The following FAM168B variants were observed in gnomAD, a reference collection of about 807,000 sequenced individuals.
The protein encoded by FAM168B is myelin-associated neurite-outgrowth inhibitor.
A neutral mutation model predicts 21.8 loss-of-function variants in FAM168B; 19 were observed. The ratio of observed to expected loss-of-function variants is 0.87; its 90% CI spans 0.61 to 1.28. FAM168B has a LOEUF of 1.28. Among genes scored for constraint, FAM168B ranks in the 50% most tolerant of loss-of-function variants. The pLI is 0.00. For missense variants in FAM168B, 233 were observed against 263.1 expected (o/e 0.89, Z 0.79); for synonymous variants, 126 against 104.8 (o/e 1.20, Z -1.24).
intron 3 of FAM168B, among the ~76,000 whole-genome samples, chr2:131,065,410 T>C (rs1692501224): frequency 6.6e-6 from 1 of 152,184 alleles, no homozygotes; most frequent in Non-Finnish European, 1.5e-5. Context: ...CCAAAGGCTA[T>C]TCTCTCCCCC....
chr2:131,092,531 G>C (rs2105620238), intron 1 of FAM168B, among the ~76,000 whole-genome samples: 1 of 152,278 alleles, frequency 6.6e-6, no homozygotes, highest in East Asian at 1.9e-4. Context: ...TATTTATAAA[G>C]CTTCCTTGCA....
intron 1 of FAM168B, among the ~76,000 whole-genome samples, chr2:131,086,116 A>G (rs141414813): frequency 2.6e-5 from 4 of 152,280 alleles, no homozygotes; most frequent in Non-Finnish European, 5.9e-5. Flanking sequence ...GCCAATCCCT[A>G]GTCCCCTGTA....
At chr2:131,084,272 C>G (rs1176807697) in intron 1 of FAM168B, among the ~76,000 whole-genome samples, 2 of 149,296 alleles carry the variant, frequency 1.3e-5, no homozygotes, top group Admixed American at 1.4e-4. Flanking sequence ...TCACTGCAAC[C>G]TTGACCTCCT....
At position 131,051,447 on chromosome 2, in the gene FAM168B, C is replaced by T. The variant is rs1364966166; in HGVS notation, c.*1018G>A. On this transcript the variant is annotated 3_prime_UTR_variant, in exon 7 of 7. Transcript: ENST00000389915. Reference sequence around the variant, plus strand: ...TCTTTGTTGGGGAAAAACAGCAATGCCTACCTGTTTTCAGCTGATTCAAAC... The same window carrying T: ...TCTTTGTTGGGGAAAAACAGCAATGTCTACCTGTTTTCAGCTGATTCAAAC... 1.0e-6 allele frequency: 1 copy of T among 984,344 alleles called. No homozygotes were observed. Among genetic ancestry groups the T allele is most frequent in the Non-Finnish European group, 1.2e-6 (1 of 829,854 alleles). 61.0% of individuals were successfully genotyped at this position (984,344 alleles called of 1,614,324 possible). A position where few individuals can be genotyped will look rare whatever the true frequency, so the allele number is the denominator to read the frequency against.
At chr2:131,080,504 G>A (rs1259248184) in intron 2 of FAM168B, among the ~76,000 whole-genome samples, 1 of 151,336 alleles carries the variant, frequency 6.6e-6, no homozygotes, top group Non-Finnish European at 1.5e-5. Flanking sequence ...TGTAATCCCA[G>A]TTACTCGGGA....
rs574838708 is a variant in FAM168B, at chr2:131,048,717, A to G, written c.*3748T>C. ...AGCCAGAGGGAACACTCACAAATGC[A>G]GAGGTACTAGAGGGGAGAAATACGT... On this transcript the variant is annotated 3_prime_UTR_variant, in exon 7 of 7. Coordinates refer to ENST00000389915, the MANE Select transcript of FAM168B (RefSeq NM_001009993.4). 8.1e-6 allele frequency: 8 copies of G among 987,696 alleles called. No individual in the cohort carries two copies. The East Asian group carries it at 7.9e-4, about 97-fold the overall frequency. 61.2% of individuals were successfully genotyped at this position (987,696 alleles called of 1,614,324 possible). A position where few individuals can be genotyped will look rare whatever the true frequency, so the allele number is the denominator to read the frequency against.
At chr2:131,063,528 C>T (rs535784135) in intron 3 of FAM168B, among the ~76,000 whole-genome samples, 8 of 152,256 alleles carry the variant, frequency 5.3e-5, no homozygotes, top group African/African-American at 1.9e-4. Flanking sequence ...CCTGTAATCC[C>T]AACACTTTAG....
At chr2:131,062,709 A>G (rs955800104) in intron 3 of FAM168B, among the ~76,000 whole-genome samples, 1 of 152,148 alleles carries the variant, frequency 6.6e-6, no homozygotes, top group Non-Finnish European at 1.5e-5. Context: ...CGGCCTCCCA[A>G]AGTGCTGGGA....
Position 131,049,854 on chromosome 2 carries a change from C to G in FAM168B, c.*2611G>C. On this transcript the variant is annotated 3_prime_UTR_variant, in exon 7 of 7. Coordinates refer to ENST00000389915, the MANE Select transcript of FAM168B (RefSeq NM_001009993.4). ...TTGTAACAGAATTTTGACCCAAGTTCTATTTCTTAATTGACTTTAATTTTA... is the reference window on the plus strand; with the variant it reads ...TTGTAACAGAATTTTGACCCAAGTTGTATTTCTTAATTGACTTTAATTTTA... 1 of 985,782 alleles carries G rather than the reference C, an allele frequency of 1.0e-6. No individual in the cohort carries two copies. The highest frequency in any genetic ancestry group is 1.2e-6 in the Non-Finnish European group (1 of 829,928). The allele number at this position is 985,782 out of a possible 1,614,324, so 61.1% of individuals were successfully genotyped here.
At chr2:131,091,035 T>C (rs2105611657) in intron 1 of FAM168B, among the ~76,000 whole-genome samples, 1 of 152,246 alleles carries the variant, frequency 6.6e-6, no homozygotes, top group South Asian at 2.1e-4. Context: ...TGGACAAAAA[T>C]ATATTTTTAA....
At chr2:131,083,328 T>G (rs1248375257) in intron 1 of FAM168B, among the ~76,000 whole-genome samples, 1 of 152,168 alleles carries the variant, frequency 6.6e-6, no homozygotes, top group Non-Finnish European at 1.5e-5. Context: ...CACTCCAGCC[T>G]GGCGACAGAG....
rs984505202 is a variant in FAM168B at position 131,086,893 on chromosome 2, G to A, written c.-11-4236C>T. On this transcript the variant is annotated intron_variant, in intron 1 of 6. Transcript: ENST00000389915. ...ATCCTGGCTAACACGGTGAAACCCC[G>A]TCTCTACTAAAAATACAAAAAATTA... Among the ~76,000 whole-genome samples, 4 of 111,852 alleles carry A rather than the reference G, an allele frequency of 3.6e-5. 1 individual carries two copies. Among genetic ancestry groups the A allele is most frequent in the African/African-American group, 1.1e-4 (2 of 18,558 alleles). 73.4% of individuals were successfully genotyped at this position (111,852 alleles called of 152,430 possible). A position where few individuals can be genotyped will look rare whatever the true frequency, so the allele number is the denominator to read the frequency against.
chr2:131,067,985 G>A lies in FAM168B; in HGVS notation c.154+3870C>T, dbSNP rs1228246712. The stretch of plus-strand genomic sequence containing the variant: ...AATCCCTTGAACTCAGCAGAAAAAG[G>A]CTGTAACTGTACCACTGGACTTTAC... On this transcript the variant is annotated intron_variant, in intron 3 of 6. Transcript: ENST00000389915. Among the ~76,000 whole-genome samples the A allele has an allele frequency of 3.9e-5, 6 of 152,028 alleles. No individual in the cohort carries two copies. In the South Asian group the frequency reaches 1.2e-3, roughly 32 times the overall value.
intron 1 of FAM168B, among the ~76,000 whole-genome samples, chr2:131,085,607 GA>G (rs1693653200): frequency 6.6e-6 from 1 of 152,212 alleles, no homozygotes; most frequent in Non-Finnish European, 1.5e-5. Context: ...GTAGTAAGAA[GA>G]AAATATTAGG....
At position 131,048,406 on chromosome 2, in the gene FAM168B, C is replaced by G. The variant is rs1691425712; in HGVS notation, c.*4059G>C. Reference sequence around the variant, plus strand: ...GGAGCACACCACCCTTCTGCAGGCCCGGGGGGGGGTCCCTACACAGACGCC... The same window carrying G: ...GGAGCACACCACCCTTCTGCAGGCCGGGGGGGGGGTCCCTACACAGACGCC... On this transcript the variant is annotated 3_prime_UTR_variant, in exon 7 of 7. Coordinates refer to ENST00000389915, the MANE Select transcript of FAM168B (RefSeq NM_001009993.4). The G allele has an allele frequency of 2.4e-6, 3 of 1,231,596 alleles. No homozygotes were observed. The highest frequency in any genetic ancestry group is 2.1e-6 in the Non-Finnish European group (2 of 941,170). 76.3% of individuals were successfully genotyped at this position (1,231,596 alleles called of 1,614,324 possible). A position where few individuals can be genotyped will look rare whatever the true frequency, so the allele number is the denominator to read the frequency against.
chr2:131,052,536 C>T, intron 6 of FAM168B, 84 bp from the exon 7 acceptor site: 3 of 1,018,174 alleles, frequency 2.9e-6, no homozygotes, highest in Non-Finnish European at 3.6e-6. Flanking sequence ...TGAGGCCCAG[C>T]AGGGTCGGAA....
In FAM168B at chr2:131,055,600, C is replaced by T. The variant is rs770209806; in HGVS notation, c.250G>A (p.Val84Met). ...SSSPNPYQTA[V>M]YPVRSAYPQQ... ...GGGTAGGCACTTCGCACAGGGTACA[C>T]GGCAGTCTGGTAGGGGTTCGGGGAG... The change falls in exon 4 of 7, where the codon GTG becomes ATG. Residue 84 changes from valine (V) to methionine (M), a missense_variant. Val to Met is a conservative substitution (Grantham distance 21, BLOSUM62 1). Transcript: ENST00000389915. 3.1e-6 allele frequency: 5 copies of T among 1,610,248 alleles called. No individual in the cohort carries two copies. Among genetic ancestry groups the T allele is most frequent in the East Asian group, 2.2e-5 (1 of 44,836 alleles).
chr2:131,072,485 G>A (rs1324571739), intron 2 of FAM168B, among the ~76,000 whole-genome samples: 1 of 149,204 alleles, frequency 6.7e-6, no homozygotes, highest in East Asian at 2.0e-4. Flanking sequence ...TTTTGGAGGG[G>A]GACAGAGTTT....
chr2:131,091,163 A>AC (rs1329551270), intron 1 of FAM168B, among the ~76,000 whole-genome samples: 4 of 151,990 alleles, frequency 2.6e-5, no homozygotes, highest in African/African-American at 4.8e-5. Context: ...GTGAGATGAG[A>AC]CCCCATCTCT....
Sources: gnomAD v4.1 joint callset for allele counts (sites outside exome capture counted in the v4.1 genomes callset) on GRCh38, gnomAD v4.1.1 for gene constraint, MANE v1.5 for transcripts, NCBI Gene and HGNC (gene_info 2026-07-23, HGNC 2026-07-21) for gene names.